ZFP82: variants seen among roughly 807,000 people sequenced by gnomAD.
ZFP82 encodes ZFP82 zinc finger protein, also known as zinc finger protein 82 homolog.
A neutral mutation model predicts 54.0 loss-of-function variants in ZFP82; 30 were observed. The observed-to-expected ratio is 0.56, with a 90% CI of 0.42 to 0.75. The LOEUF (loss-of-function observed/expected upper bound fraction) is 0.75, where lower values mean the gene tolerates loss of function less well. Ranked by LOEUF, ZFP82 falls within the 30% of genes least tolerant of loss-of-function variation. The pLI, the probability that ZFP82 is intolerant of heterozygous loss-of-function variation, is 0.00. For synonymous variants in ZFP82, 194 were observed against 209.5 expected (o/e 0.93, Z 0.64); for missense variants, 500 against 636.8 (o/e 0.79, Z 2.31).
chr19:36,395,408 G>A (rs565864698), intron 4 of ZFP82: 8 of 152,056 alleles, frequency 5.3e-5, no homozygotes, highest in Admixed American at 2.0e-4. Context: ...GTGATTTTTC[G>A]GACAGGAAAA....
rs1200420414 is a variant in ZFP82, at chr19:36,393,486, T to C, written c.854A>G (p.Lys285Arg). 9 of 1,613,998 alleles carry C rather than the reference T, an allele frequency of 5.6e-6. No individual in the cohort carries two copies. In the East Asian group the frequency reaches 2.0e-4, roughly 36 times the overall value. Residue 285 changes from lysine to arginine, a missense_variant, in exon 5 of 5, where the codon AAA becomes AGA. Coordinates refer to ENST00000392161, the MANE Select transcript of ZFP82 (RefSeq NM_133466.4). ...IHTGEKPYVCKECGKAFRQYA... is the reference protein window; with the variant it reads ...IHTGEKPYVCRECGKAFRQYA... ...CTGTCTAAAGGCTTTTCCACACTCT[T>C]TACACACATAGGGTTTCTCACCAGT...
At chr19:36,418,280 G>A (rs2032707109) in intron 1 of ZFP82, among the ~76,000 whole-genome samples, 1 of 151,934 alleles carries the variant, frequency 6.6e-6, no homozygotes, top group Admixed American at 6.6e-5. Flanking sequence ...CCATTTCTCT[G>A]CAGCTGGGCC....
intron 4 of ZFP82, among the ~76,000 whole-genome samples, chr19:36,401,660 G>A (rs1024567814): frequency 1.3e-5 from 2 of 152,132 alleles, no homozygotes; most frequent in Non-Finnish European, 2.9e-5. Flanking sequence ...GCACTCAACC[G>A]GAGAAATAAT....
Position 36,393,249 on chromosome 19 carries a change from T to C in ZFP82, c.1091A>G (p.Lys364Arg), listed in dbSNP as rs777981062. ...TCCACATTCCTTACATTCATAGGGT[T>C]TCTCACCAGTATGAATTCTCTGATG... ...TLHQRIHTGE[K>R]PYECKECGKT... is the part of the protein sequence containing the mutation. Residue 364 changes from lysine (K) to arginine (R), a missense_variant, in exon 5 of 5, where the codon AAA becomes AGA. Transcript: ENST00000392161. 1 of 1,614,022 alleles carries C rather than the reference T, an allele frequency of 6.2e-7. No homozygotes were observed. The highest frequency in any genetic ancestry group is 8.5e-7 in the Non-Finnish European group (1 of 1,180,012).
chr19:36,388,470 GT>G (rs997019743), downstream of ZFP82, among the ~76,000 whole-genome samples: 10 of 150,098 alleles, frequency 6.7e-5, no homozygotes, highest in Non-Finnish European at 1.0e-4. Context: ...TTAGTTCAGG[GT>G]TTTTTTTTGG....
chr19:36,409,605 A>G (rs1368588430), intron 2 of ZFP82, among the ~76,000 whole-genome samples, 176 bp downstream of exon 2: 1 of 151,738 alleles, frequency 6.6e-6, no homozygotes, highest in Non-Finnish European at 1.5e-5. Flanking sequence ...AGATAAGAAC[A>G]ATGACTAGAA....
In ZFP82 at chr19:36,418,615, T is replaced by G. The variant is rs1271234737; in HGVS notation, c.-202A>C. On this transcript the variant is annotated 5_prime_UTR_variant, in exon 1 of 5. Transcript: ENST00000392161. ...GCGATGCCCGAACGGAGGAAGCCGC[T>G]GCCGGGTCACGCCACAATCCCCGGG... The G allele has an allele frequency of 1.3e-5, 2 of 152,290 alleles. No individual in the cohort carries two copies. The highest frequency in any genetic ancestry group is 6.5e-5 in the Admixed American group (1 of 15,278). 9.4% of individuals were successfully genotyped at this position (152,290 alleles called of 1,614,324 possible). A position where few individuals can be genotyped will look rare whatever the true frequency, so the allele number is the denominator to read the frequency against.
rs749491210 is a variant in ZFP82, at chr19:36,407,884, T to G, written c.136+3A>C. The G allele has an allele frequency of 1.2e-6, 2 of 1,613,934 alleles. No individual in the cohort carries two copies. The highest frequency in any genetic ancestry group is 3.3e-5 in the Admixed American group (2 of 60,008). ...CTAAATTCCTAGAAGCAGATAACCT[T>G]ACCCAGTGAGACCAAGTTGCTGTAG... On this transcript the variant is annotated splice_donor_region_variant and intron_variant, in intron 3 of 4. Coordinates refer to ENST00000392161, the MANE Select transcript of ZFP82 (RefSeq NM_133466.4).
At position 36,404,962 on chromosome 19, in the gene ZFP82, T is replaced by C. The variant is rs566115420; in HGVS notation, c.229+618A>G. On this transcript the variant is annotated intron_variant, in intron 4 of 4. Transcript: ENST00000392161. ...ACTTTGGGAGGCTGAGGCGGGCAGA[T>C]CACCTGAGGTCAGGAATTCAAGACC... Among the ~76,000 whole-genome samples, 236 of 152,180 alleles carry C rather than the reference T, an allele frequency of 1.6e-3. 1 individual carries two copies. Among genetic ancestry groups the C allele is most frequent in the African/African-American group, 5.5e-3 (228 of 41,542 alleles).
intron 4 of ZFP82, among the ~76,000 whole-genome samples, chr19:36,403,536 T>C (rs1421856249): frequency 6.9e-6 from 1 of 144,528 alleles, no homozygotes; most frequent in African/African-American, 2.6e-5. Flanking sequence ...AGAGAACTGC[T>C]TAAACCTGGA....
intron 4 of ZFP82, among the ~76,000 whole-genome samples, chr19:36,403,769 T>C (rs2032435309): frequency 7.4e-6 from 1 of 135,636 alleles, no homozygotes. Context: ...GATGAATACA[T>C]AGATAGAAAA....
At position 36,412,026 on chromosome 19, in the gene ZFP82, G is replaced by GTGAGTAGTA. The variant is rs577095520; in HGVS notation, c.-78-2168_-78-2160dup. ...GTGAGGAGTGCAGTAACAAACAGTT[G>GTGAGTAGTA]TGAGTAGTATGATCCTGTTAAGGTA... is the stretch of plus-strand genomic sequence containing the variant. On this transcript the variant is annotated intron_variant, in intron 1 of 4. Transcript: ENST00000392161. 3.5e-3 allele frequency among the ~76,000 whole-genome samples: 530 copies of GTGAGTAGTA among 152,244 alleles called. 2 individuals are homozygous for GTGAGTAGTA. The highest frequency in any genetic ancestry group is 0.012 in the African/African-American group (509 of 41,548).
chr19:36,391,974 A>C lies in ZFP82; in HGVS notation c.*767T>G, dbSNP rs907706412. 4 of 150,832 alleles carry C rather than the reference A, an allele frequency of 2.7e-5. No individual in the cohort carries two copies. The highest frequency in any genetic ancestry group is 1.9e-4 in the East Asian group (1 of 5,136). 9.3% of individuals were successfully genotyped at this position (150,832 alleles called of 1,614,324 possible). A position where few individuals can be genotyped will look rare whatever the true frequency, so the allele number is the denominator to read the frequency against. On this transcript the variant is annotated 3_prime_UTR_variant, in exon 5 of 5. Transcript: ENST00000392161. ...AGAAAGTTTAGTGGCTTAAAACAAC[A>C]ACCATTTTATTATATCTCATGTTTT...
rs184761917 is a variant in ZFP82, at chr19:36,408,466, C to G, written c.10-453G>C. ...TCTAAATGCAATTAGAGAATATCTT[C>G]TAAGTTTATCCTAGAAGCAGATCAT... On this transcript the variant is annotated intron_variant, in intron 2 of 4. Transcript: ENST00000392161. 5.9e-5 allele frequency among the ~76,000 whole-genome samples: 9 copies of G among 152,116 alleles called. No homozygotes were observed. The East Asian group carries it at 1.5e-3, about 26-fold the overall frequency.
rs970113348 is a variant in ZFP82 at position 36,390,416 on chromosome 19, T to C, written c.*2325A>G. The C allele has an allele frequency of 1.1e-4, 16 of 151,606 alleles. No individual in the cohort carries two copies. Among genetic ancestry groups the C allele is most frequent in the Non-Finnish European group, 2.9e-5 (2 of 67,968 alleles). The allele number at this position is 151,606 out of a possible 1,614,324, so 9.4% of individuals were successfully genotyped here. A position where few individuals can be genotyped will look rare whatever the true frequency, so the allele number is the denominator to read the frequency against. ...ATTTCCCAAATTGTGCATTTGGTTG[T>C]TTGCTTCTTTGTGTTGTTAATTTGT... On this transcript the variant is annotated 3_prime_UTR_variant, in exon 5 of 5. Coordinates refer to ENST00000392161, the MANE Select transcript of ZFP82 (RefSeq NM_133466.4).
chr19:36,416,330 T>C (rs567277553), intron 1 of ZFP82, among the ~76,000 whole-genome samples: 6 of 152,330 alleles, frequency 3.9e-5, no homozygotes, highest in African/African-American at 1.2e-4. Context: ...TTTGATAATC[T>C]CATTAAATTA....
chr19:36,393,056 C>T lies in ZFP82; in HGVS notation c.1284G>A (p.Gly428=), dbSNP rs752360309. The change falls in exon 5 of 5, where the codon GGG becomes GGA. Residue 428 remains glycine, a synonymous_variant. Transcript: ENST00000392161. ...GVKPYDCKEC[G]KAFRLLSQLT... is the part of the protein sequence containing the mutation. Reference sequence around the variant, plus strand: ...GTTGTGAAAGTAGTCTGAAGGCCTTCCCGCATTCCTTACAGTCATAGGGCT... The same window carrying T: ...GTTGTGAAAGTAGTCTGAAGGCCTTTCCGCATTCCTTACAGTCATAGGGCT... 7 of 1,614,174 alleles carry T rather than the reference C, an allele frequency of 4.3e-6. No homozygotes were observed. The South Asian group carries it at 5.5e-5, about 13-fold the overall frequency.
chr19:36,396,711 G>A (rs1347239576), intron 4 of ZFP82, among the ~76,000 whole-genome samples: 2 of 151,952 alleles, frequency 1.3e-5, no homozygotes, highest in Admixed American at 1.3e-4. Context: ...GCATGGTAGT[G>A]TGTGCTATAG....
At chr19:36,418,446 G>A (rs1345986779) in intron 1 of ZFP82, 46 bp downstream of exon 1, 1 of 152,308 alleles carries the variant, frequency 6.6e-6, no homozygotes, top group Admixed American at 6.6e-5. Context: ...CCGGGCCTGA[G>A]GCGCGGGCTC....
Sources: allele counts gnomAD v4.1 joint callset (sites outside exome capture counted in the v4.1 genomes callset), GRCh38; gene constraint gnomAD v4.1.1; transcripts MANE v1.5; gene names NCBI Gene and HGNC (gene_info 2026-07-23, HGNC 2026-07-21).